Variants in PTPRG observed in about 807,000 individuals in gnomAD.
PTPRG encodes receptor-type tyrosine-protein phosphatase gamma.
In PTPRG, 102 loss-of-function variants were observed where a neutral mutation model predicts 165.3. That is an observed-to-expected ratio of 0.62 (90% CI 0.53 to 0.73). PTPRG has a LOEUF of 0.73. PTPRG is among the 30% of genes least tolerant of loss of function. PTPRG has a pLI of 0.00. For synonymous variants in PTPRG, 675 were observed against 669.5 expected (o/e 1.01, Z -0.13); for missense variants, 1,866 against 1,861.4 (o/e 1.00, Z -0.05).
chr3:62,203,419 G>A lies in PTPRG; in HGVS notation c.1624G>A (p.Ala542Thr), dbSNP rs772371930. ...TVWPTRLPTAASASKQAARPV... is the reference protein window; with the variant it reads ...TVWPTRLPTATSASKQAARPV... ...GTGGCCCACGCGCCTCCCGACGGCC[G>A]CCTCAGCCAGCAAGCAGGCGGCTAG... The change falls in exon 12 of 30, where the codon GCC (alanine) becomes ACC (threonine). Residue 542 changes from alanine to threonine, a missense_variant. Around this residue, in one of 3 missense-constraint regions of PTPRG, gnomAD observed 1,452 missense variants for 1,463.0 expected, o/e 0.99. Transcript: ENST00000474889. This position sits in a 1 kb window ranked among gnomAD's most constrained non-coding sequence, Gnocchi z 6.4. The A allele has an allele frequency of 1.2e-5, 20 of 1,608,160 alleles. No homozygotes were observed. The highest frequency in any genetic ancestry group is 1.6e-4 in the Middle Eastern group (1 of 6,072).
At chr3:62,120,262 C>G (rs1703016336) in intron 5 of PTPRG, among the ~76,000 whole-genome samples, 1 of 135,840 alleles carries the variant, frequency 7.4e-6, no homozygotes, top group African/African-American at 2.6e-5. Context: ...TGGTGTTGAT[C>G]CAGGATACGG....
chr3:61,785,323 A>G (rs1293962852), intron 2 of PTPRG, among the ~76,000 whole-genome samples: 1 of 152,234 alleles, frequency 6.6e-6, no homozygotes, highest in African/African-American at 2.4e-5. Flanking sequence ...GCACCTATCT[A>G]GAAAAATTAA....
intron 1 of PTPRG, among the ~76,000 whole-genome samples, chr3:61,732,537 G>A (rs1185657528): frequency 1.4e-5 from 2 of 146,344 alleles, no homozygotes; most frequent in Non-Finnish European, 3.0e-5. Flanking sequence ...GTGAAACCCC[G>A]TCTCTACTAA....
At chr3:62,281,520 T>C (rs965769505) in intron 26 of PTPRG, 43 bp from the exon 27 acceptor site, 1 of 1,413,132 alleles carries the variant, frequency 7.1e-7, no homozygotes, top group Non-Finnish European at 9.4e-7. Flanking sequence ...AAACAAATCC[T>C]TGACAGAACT....
intron 4 of PTPRG, among the ~76,000 whole-genome samples, chr3:62,049,953 T>C (rs1700418501): frequency 6.6e-6 from 1 of 152,232 alleles, no homozygotes; most frequent in Admixed American, 6.5e-5. Context: ...AATAATTGAA[T>C]GTATGATTAA....
At chr3:61,703,186 A>G (rs572479260) in intron 1 of PTPRG, among the ~76,000 whole-genome samples, 11 of 152,004 alleles carry the variant, frequency 7.2e-5, no homozygotes, top group African/African-American at 1.9e-4. Context: ...AGTTCAGTGG[A>G]CTGGCACTTT....
intron 4 of PTPRG, among the ~76,000 whole-genome samples, chr3:62,010,370 T>TTGTG (rs35894531): frequency 0.54 from 80,997 of 149,398 alleles, 22,133 homozygotes; most frequent in East Asian, 0.63. Context: ...CCCTCTCTTC[T>TTGTG]TGTGTGTGTG....
At chr3:62,283,734 T>A (rs774575906) in intron 28 of PTPRG, among the ~76,000 whole-genome samples, 1 of 152,100 alleles carries the variant, frequency 6.6e-6, no homozygotes, top group Non-Finnish European at 1.5e-5. Context: ...GAAGGCTTTT[T>A]TTCCTGGCAC....
At chr3:61,987,997 G>C (rs570934532) in intron 2 of PTPRG, among the ~76,000 whole-genome samples, 1 of 152,172 alleles carries the variant, frequency 6.6e-6, no homozygotes, top group African/African-American at 2.4e-5. Flanking sequence ...AAAAATACAT[G>C]AGTGAAAAGC....
At chr3:61,961,766 A>C (rs2040157694) in intron 2 of PTPRG, among the ~76,000 whole-genome samples, 1 of 152,200 alleles carries the variant, frequency 6.6e-6, no homozygotes, top group Non-Finnish European at 1.5e-5. Context: ...GACTAACAGC[A>C]TCAGCATCAA....
At chr3:62,152,903 A>G (rs1157731400) in intron 6 of PTPRG, among the ~76,000 whole-genome samples, 1 of 152,234 alleles carries the variant, frequency 6.6e-6, no homozygotes, top group Non-Finnish European at 1.5e-5. Context: ...GGCCAAATCC[A>G]TTCTACTGTC....
rs1559665145 is a variant in PTPRG at position 62,217,073 on chromosome 3, C to T, written c.2156-1778C>T. Among the ~76,000 whole-genome samples, 5 of 152,328 alleles carry T rather than the reference C, an allele frequency of 3.3e-5. No homozygotes were observed. The South Asian group carries it at 1.0e-3, about 32-fold the overall frequency. On this transcript the variant is annotated intron_variant, in intron 12 of 29. Coordinates refer to ENST00000474889, the MANE Select transcript of PTPRG (RefSeq NM_002841.4). The surrounding 1 kb of genome is among the most constrained non-coding windows in gnomAD (Gnocchi z 4.3). ...TTTAAAAGATTCCTCCCCATGGGTA[C>T]AGCAGTGCTACTATCTGATGTACTG...
In PTPRG at chr3:61,752,793, AAAAAAAAAG is replaced by A. The variant is rs1347501302; in HGVS notation, c.190+3820_190+3828del. ...ATAGAGCAAGACTGTCTCAAAAAAA[AAAAAAAAAG>A]AAAAAAAAAAAGAAAATATTTGCCA... is the stretch of plus-strand genomic sequence containing the variant. On this transcript the variant is annotated intron_variant, in intron 2 of 29. Coordinates refer to ENST00000474889, the MANE Select transcript of PTPRG (RefSeq NM_002841.4). 1.0e-3 allele frequency among the ~76,000 whole-genome samples: 82 copies of A among 80,380 alleles called. 2 individuals carry two copies. The highest frequency in any genetic ancestry group is 3.7e-3 in the African/African-American group (81 of 21,790). The allele number at this position is 80,380 out of a possible 152,430, so 52.7% of individuals were successfully genotyped here. A position where few individuals can be genotyped will look rare whatever the true frequency, so the allele number is the denominator to read the frequency against.
At chr3:62,215,037 G>C (rs1700462777) in intron 12 of PTPRG, among the ~76,000 whole-genome samples, 1 of 152,192 alleles carries the variant, frequency 6.6e-6, no homozygotes, top group Non-Finnish European at 1.5e-5. Flanking sequence ...AGAGAGGCGG[G>C]ACCATGGCTC....
chr3:62,195,291 T>C lies in PTPRG; in HGVS notation c.1327+121T>C. On this transcript the variant is annotated intron_variant, in intron 10 of 29. Coordinates refer to ENST00000474889, the MANE Select transcript of PTPRG (RefSeq NM_002841.4). This position sits in a 1 kb window ranked among gnomAD's most constrained non-coding sequence, Gnocchi z 4.4. ...AACAAGCCTGGCAGAAGAATCAGTG[T>C]AGGGTTTTAAAGCCTATGCGGGAAG... The C allele has an allele frequency of 1.1e-6, 1 of 925,402 alleles. No homozygotes were observed. Among genetic ancestry groups the C allele is most frequent in the Non-Finnish European group, 1.7e-6 (1 of 594,012 alleles). The allele number at this position is 925,402 out of a possible 1,614,324, so 57.3% of individuals were successfully genotyped here.
intron 2 of PTPRG, among the ~76,000 whole-genome samples, chr3:61,754,771 A>G (rs1333407634): frequency 2.0e-5 from 3 of 152,208 alleles, no homozygotes; most frequent in Non-Finnish European, 4.4e-5. Flanking sequence ...TTACATTTTC[A>G]TGTCTATTTT....
At chr3:62,191,183 G>A (rs1040823618) in intron 8 of PTPRG, among the ~76,000 whole-genome samples, 4 of 151,158 alleles carry the variant, frequency 2.6e-5, no homozygotes, top group African/African-American at 9.7e-5. Context: ...TGTGCCCCGT[G>A]CACATATGTG....
intron 2 of PTPRG, among the ~76,000 whole-genome samples, chr3:61,921,118 T>TC (rs2039067623): frequency 7.8e-5 from 1 of 12,742 alleles, no homozygotes; most frequent in Non-Finnish European, 1.4e-4. Flanking sequence ...TCCATCCATC[T>TC]CCTTCCTTCC....
intron 2 of PTPRG, among the ~76,000 whole-genome samples, chr3:61,944,331 T>C (rs953747335): frequency 6.6e-6 from 1 of 152,202 alleles, no homozygotes; most frequent in African/African-American, 2.4e-5. Context: ...TCGGAGCGCA[T>C]CTTACAACTG....
Sources: allele counts gnomAD v4.1 joint callset (sites outside exome capture counted in the v4.1 genomes callset), GRCh38; gene constraint gnomAD v4.1.1; regional missense constraint gnomAD v4.1.1; non-coding constraint Gnocchi (gnomAD v3.1); transcripts MANE v1.5; gene names NCBI Gene and HGNC (gene_info 2026-07-23, HGNC 2026-07-21).